Variants in LRRC4C observed in about 807,000 individuals in gnomAD.
LRRC4C encodes the protein leucine-rich repeat-containing protein 4C.
In LRRC4C, 5 loss-of-function variants were observed where a neutral mutation model predicts 33.6. The ratio of observed to expected loss-of-function variants is 0.15; its 90% CI spans 0.08 to 0.31. The LOEUF (loss-of-function observed/expected upper bound fraction) is 0.31, where lower values mean the gene tolerates loss of function less well. Ranked by LOEUF, LRRC4C falls within the 10% of genes least tolerant of loss-of-function variation. The probability of loss-of-function intolerance (pLI) is 1.00; values close to 1 mark genes in which losing one functional copy is unlikely to be tolerated. For missense variants in LRRC4C, 560 were observed against 796.7 expected (o/e 0.70, Z 3.58); for synonymous variants, 329 against 302.0 (o/e 1.09, Z -0.93).
At chr11:40,682,415 G>T (rs1166644086) in intron 2 of LRRC4C, among the ~76,000 whole-genome samples, 2 of 152,104 alleles carry the variant, frequency 1.3e-5, no homozygotes, top group African/African-American at 4.8e-5. Context: ...TTCTTACTGG[G>T]TGCCTCATAC....
At chr11:41,110,979 T>A (rs946438435) in intron 1 of LRRC4C, among the ~76,000 whole-genome samples, 1 of 151,240 alleles carries the variant, frequency 6.6e-6, no homozygotes, top group African/African-American at 2.5e-5. Context: ...AACCCAAGAA[T>A]TTGCATTTCT....
At chr11:41,343,809 C>A (rs927707098) in intron 1 of LRRC4C, among the ~76,000 whole-genome samples, 3 of 152,064 alleles carry the variant, frequency 2.0e-5, no homozygotes, top group African/African-American at 7.2e-5. Flanking sequence ...CTATTTATAA[C>A]AAAGTATTTA....
At chr11:41,232,433 C>G (rs1947843830) in intron 1 of LRRC4C, among the ~76,000 whole-genome samples, 1 of 151,988 alleles carries the variant, frequency 6.6e-6, no homozygotes, top group Non-Finnish European at 1.5e-5. Flanking sequence ...ATCAAAAATG[C>G]CTTCAGGCAT....
intron 3 of LRRC4C, among the ~76,000 whole-genome samples, chr11:40,341,062 A>G (rs1432038025): frequency 6.6e-6 from 1 of 152,218 alleles, no homozygotes; most frequent in Admixed American, 6.5e-5. Context: ...TGCTGGAATC[A>G]TAACATCAAA....
At chr11:40,582,112 TA>T (rs897631895) in intron 3 of LRRC4C, among the ~76,000 whole-genome samples, 57 of 152,082 alleles carry the variant, frequency 3.7e-4, no homozygotes, top group African/African-American at 1.3e-3. Context: ...ATTGTTAAGT[TA>T]AAAAAAGAGG....
chr11:40,933,717 A>C lies in LRRC4C; in HGVS notation c.-489T>G, dbSNP rs1957738086. ...ACCTTGCAGCCTCGCAGTAAAGAGA[A>C]CCATTTCTAGAAAAGACATACGATT... is the stretch of plus-strand genomic sequence containing the variant. On this transcript the variant is annotated 5_prime_UTR_variant, in exon 2 of 7. Coordinates refer to ENST00000528697, the MANE Select transcript of LRRC4C (RefSeq NM_001258419.2). 1 of 152,226 alleles carries C rather than the reference A, an allele frequency of 6.6e-6. No homozygotes were observed. Among genetic ancestry groups the C allele is most frequent in the Non-Finnish European group, 1.5e-5 (1 of 68,048 alleles). 9.4% of individuals were successfully genotyped at this position (152,226 alleles called of 1,614,324 possible). A position where few individuals can be genotyped will look rare whatever the true frequency, so the allele number is the denominator to read the frequency against.
intron 1 of LRRC4C, among the ~76,000 whole-genome samples, chr11:40,962,288 T>C (rs562944930): frequency 3.3e-5 from 5 of 151,618 alleles, no homozygotes; most frequent in Non-Finnish European, 7.4e-5. Context: ...AGAAAATAGA[T>C]TCTCCCCTTC....
chr11:41,458,039 G>C (rs1956224762), intron 1 of LRRC4C, among the ~76,000 whole-genome samples: 1 of 151,946 alleles, frequency 6.6e-6, no homozygotes, highest in Admixed American at 6.6e-5. Flanking sequence ...TGAGTATGAT[G>C]CCTGACATCT....
At chr11:41,211,225 T>C (rs1946807844) in intron 1 of LRRC4C, among the ~76,000 whole-genome samples, 2 of 152,300 alleles carry the variant, frequency 1.3e-5, no homozygotes, top group South Asian at 4.1e-4. Context: ...AATTACTCCA[T>C]GGCAGGGTGA....
chr11:40,518,157 C>T (rs777038384), intron 3 of LRRC4C, among the ~76,000 whole-genome samples: 5 of 152,092 alleles, frequency 3.3e-5, no homozygotes, highest in Non-Finnish European at 5.9e-5. Context: ...CATAAAAATC[C>T]TAGAAGAAAA....
intron 3 of LRRC4C, among the ~76,000 whole-genome samples, chr11:40,413,133 G>A (rs1175921347): frequency 6.6e-6 from 1 of 151,842 alleles, no homozygotes; most frequent in Non-Finnish European, 1.5e-5. Flanking sequence ...AATCTACTAC[G>A]ACTAACAGAA....
chr11:40,797,325 T>G (rs1296542400), intron 2 of LRRC4C, among the ~76,000 whole-genome samples: 2 of 152,020 alleles, frequency 1.3e-5, no homozygotes, highest in African/African-American at 4.8e-5. Context: ...AAAGGTTAGG[T>G]GTTACTGTGG....
intron 2 of LRRC4C, among the ~76,000 whole-genome samples, chr11:40,896,527 G>C (rs1040449935): frequency 7.3e-6 from 1 of 136,086 alleles, no homozygotes; most frequent in Admixed American, 8.2e-5. Flanking sequence ...ATTTGGGTCT[G>C]TACAATTAGA....
chr11:41,399,189 T>A (rs545125519), intron 1 of LRRC4C, among the ~76,000 whole-genome samples: 1 of 151,974 alleles, frequency 6.6e-6, no homozygotes, highest in African/African-American at 2.4e-5. Context: ...ATATTCTTCA[T>A]GGAGTTGATT....
chr11:41,371,480 T>C (rs1952744125), intron 1 of LRRC4C, among the ~76,000 whole-genome samples: 1 of 152,182 alleles, frequency 6.6e-6, no homozygotes, highest in East Asian at 1.9e-4. Context: ...TGTGGTTTAA[T>C]ATGTGGAAAT....
intron 1 of LRRC4C, among the ~76,000 whole-genome samples, chr11:41,009,956 A>C (rs355246): frequency 0.021 from 3,223 of 152,246 alleles, 136 homozygotes; most frequent in African/African-American, 0.074. Flanking sequence ...TCTAAATAAA[A>C]AGGGGGGAAT....
intron 4 of LRRC4C, among the ~76,000 whole-genome samples, chr11:40,243,954 C>T (rs939821672): frequency 1.3e-5 from 2 of 151,592 alleles, no homozygotes; most frequent in Non-Finnish European, 2.9e-5. Context: ...CCTGCCTCAG[C>T]CTCCCAAAGT....
intron 3 of LRRC4C, among the ~76,000 whole-genome samples, chr11:40,392,531 TA>T (rs1202558472): frequency 6.6e-6 from 1 of 152,068 alleles, no homozygotes; most frequent in Non-Finnish European, 1.5e-5. Flanking sequence ...GTTATTTAAT[TA>T]AAAAATTAAA....
At chr11:40,238,341 C>T (rs1865705557) in intron 5 of LRRC4C, among the ~76,000 whole-genome samples, 1 of 152,106 alleles carries the variant, frequency 6.6e-6, no homozygotes, top group African/African-American at 2.4e-5. Flanking sequence ...GACTTTGGCC[C>T]CAAACCTGCT....
Sources: allele counts gnomAD v4.1 joint callset (sites outside exome capture counted in the v4.1 genomes callset), GRCh38; gene constraint gnomAD v4.1.1; transcripts MANE v1.5; gene names NCBI Gene and HGNC (gene_info 2026-07-23, HGNC 2026-07-21).